CDC37: variants seen among roughly 807,000 people sequenced by gnomAD.
The protein encoded by CDC37 is cell division cycle 37, HSP90 cochaperone.
In CDC37, 9 loss-of-function variants were observed where a neutral mutation model predicts 46.9. The ratio of observed to expected loss-of-function variants is 0.19; its 90% CI spans 0.12 to 0.33. The LOEUF (loss-of-function observed/expected upper bound fraction) is 0.33, where lower values mean the gene tolerates loss of function less well. CDC37 is among the 10% of genes least tolerant of loss of function. The probability of loss-of-function intolerance (pLI) is 1.00; values close to 1 mark genes in which losing one functional copy is unlikely to be tolerated. For synonymous variants in CDC37, 193 were observed against 191.0 expected, an observed-to-expected ratio of 1.01 and a Z score of -0.09; for missense variants, 388 against 514.6, an observed-to-expected ratio of 0.75 and a Z score of 2.38.
chr19:10,402,756 T>A (rs1467289442), intron 1 of CDC37, among the ~76,000 whole-genome samples: 2 of 152,022 alleles, frequency 1.3e-5, no homozygotes, highest in African/African-American at 4.8e-5. Context: ...AGACTAAGGA[T>A]CCTGAAGGGG....
chr19:10,402,870 C>A (rs1486873021), intron 1 of CDC37, among the ~76,000 whole-genome samples: 1 of 151,628 alleles, frequency 6.6e-6, no homozygotes, highest in Non-Finnish European at 1.5e-5. Context: ...GTGGCGACTC[C>A]GGATCTGAAT....
In CDC37 at chr19:10,393,544, T is replaced by C. The variant is rs2042470747; in HGVS notation, c.727-103A>G. On this transcript the variant is annotated intron_variant, in intron 5 of 7. Transcript: ENST00000222005. The surrounding 1 kb of genome is among the most constrained non-coding windows in gnomAD (Gnocchi z 4.9). ...CAGCTCCTCAGAGGCGCCCCACGGT[T>C]CCCCAAGTCTATTCCTGACCTACAT... The C allele has an allele frequency of 8.2e-7, 1 of 1,221,844 alleles. No individual in the cohort carries two copies. The highest frequency in any genetic ancestry group is 1.5e-5 in the African/African-American group (1 of 65,824). The allele number at this position is 1,221,844 out of a possible 1,614,324, so 75.7% of individuals were successfully genotyped here. A position where few individuals can be genotyped will look rare whatever the true frequency, so the allele number is the denominator to read the frequency against.
At chr19:10,397,829 G>A (rs544995328) in intron 1 of CDC37, among the ~76,000 whole-genome samples, 4 of 151,958 alleles carry the variant, frequency 2.6e-5, no homozygotes, top group South Asian at 2.1e-4. Context: ...CCTGCTTCCC[G>A]CTCACCCCAG....
intron 1 of CDC37, among the ~76,000 whole-genome samples, chr19:10,401,102 C>T (rs1273462012): frequency 2.0e-5 from 3 of 152,202 alleles, no homozygotes; most frequent in African/African-American, 7.2e-5. Flanking sequence ...ATCTCTCCTT[C>T]CCCTCCACAA....
At chr19:10,400,369 C>T (rs2042512506) in intron 1 of CDC37, among the ~76,000 whole-genome samples, 1 of 152,182 alleles carries the variant, frequency 6.6e-6, no homozygotes, top group African/African-American at 2.4e-5. Context: ...ATTCATTTGT[C>T]CGCTTCTGGA....
At chr19:10,394,786 C>G (rs965305114) in intron 5 of CDC37, among the ~76,000 whole-genome samples, 2 of 151,744 alleles carry the variant, frequency 1.3e-5, no homozygotes, top group Non-Finnish European at 2.9e-5. Flanking sequence ...CCCACCTCAG[C>G]CTCCCAAAGT....
chr19:10,394,955 T>A (rs2042479157), intron 5 of CDC37, 66 bp downstream of exon 5: 4 of 1,496,268 alleles, frequency 2.7e-6, no homozygotes, highest in Non-Finnish European at 3.6e-6. Flanking sequence ...CGGCCTTACC[T>A]AGAGCATTGT....
intron 2 of CDC37, 175 bp from the exon 3 acceptor site, chr19:10,395,718 G>A: frequency 8.1e-6 from 6 of 743,226 alleles, no homozygotes; most frequent in Non-Finnish European, 1.3e-5. Context: ...TCAGAGGAGG[G>A]GACCGGTGGG....
At position 10,403,503 on chromosome 19, in the gene CDC37, T is replaced by C. The variant is rs751331815; in HGVS notation, c.-24A>G. On this transcript the variant is annotated 5_prime_UTR_variant, in exon 1 of 8. Transcript: ENST00000222005. Reference sequence around the variant, plus strand: ...ATCTTGCCTTGGCGGCCCAGCCCGCTCCGGCTCGGGTGGCGGCGACGGCGG... The same window carrying C: ...ATCTTGCCTTGGCGGCCCAGCCCGCCCCGGCTCGGGTGGCGGCGACGGCGG... 1 of 1,581,990 alleles carries C rather than the reference T, an allele frequency of 6.3e-7. No individual in the cohort carries two copies. The highest frequency in any genetic ancestry group is 1.1e-5 in the South Asian group (1 of 90,220).
In CDC37 at chr19:10,398,484, C is replaced by G. The variant is rs1385806534; in HGVS notation, c.103-2281G>C. Among the ~76,000 whole-genome samples, 1 of 152,240 alleles carries G rather than the reference C, an allele frequency of 6.6e-6. No individual in the cohort carries two copies. The highest frequency in any genetic ancestry group is 2.4e-5 in the African/African-American group (1 of 41,462). ...CCCCTGGGTCCTAGCCCACAGCCAC[C>G]ATGTACCGGCTGGGTATCCCGGGCC... On this transcript the variant is annotated intron_variant, in intron 1 of 7. Transcript: ENST00000222005. The surrounding 1 kb of genome is among the most constrained non-coding windows in gnomAD (Gnocchi z 4.2).
intron 2 of CDC37, 113 bp downstream of exon 2, chr19:10,395,815 C>G: frequency 8.8e-7 from 1 of 1,140,154 alleles, no homozygotes; most frequent in Admixed American, 2.1e-5. Flanking sequence ...CCACCACACT[C>G]TTCAACTACA....
chr19:10,399,478 A>G lies in CDC37; in HGVS notation c.103-3275T>C, dbSNP rs892174582. ...GACCCTGTCTGAAAAAAAAAAAAAA[A>G]AAAAAAAAAAGCTATACCTCATGAG... On this transcript the variant is annotated intron_variant, in intron 1 of 7. Transcript: ENST00000222005. 1.7e-4 allele frequency among the ~76,000 whole-genome samples: 26 copies of G among 150,308 alleles called. 1 individual carries two copies. The highest frequency in any genetic ancestry group is 1.6e-3 in the Admixed American group (24 of 15,058).
rs371418276 is a variant in CDC37, at chr19:10,393,047, C to G, written c.981+39G>C. On this transcript the variant is annotated intron_variant, in intron 7 of 7. Transcript: ENST00000222005. The surrounding 1 kb of genome is among the most constrained non-coding windows in gnomAD (Gnocchi z 4.9). Reference sequence around the variant, plus strand: ...GGGACACAGGGCTGGGGGAGACACACGGCCCGCCGGGAAGGCATGGGGCGC... The same window carrying G: ...GGGACACAGGGCTGGGGGAGACACAGGGCCCGCCGGGAAGGCATGGGGCGC... 1.3e-6 allele frequency: 2 copies of G among 1,579,434 alleles called. No homozygotes were observed. The highest frequency in any genetic ancestry group is 3.3e-5 in the Admixed American group (2 of 59,938).
rs2145419690 is a variant in CDC37 at position 10,398,992 on chromosome 19, T to C, written c.103-2789A>G. Among the ~76,000 whole-genome samples, 1 of 152,296 alleles carries C rather than the reference T, an allele frequency of 6.6e-6. No homozygotes were observed. Among genetic ancestry groups the C allele is most frequent in the South Asian group, 2.1e-4 (1 of 4,832 alleles). On this transcript the variant is annotated intron_variant, in intron 1 of 7. Transcript: ENST00000222005. This position sits in a 1 kb window ranked among gnomAD's most constrained non-coding sequence, Gnocchi z 4.2. ...AGCCCTCAGTAGGTGTGTCCCACTG[T>C]TACCATCTCCGTCCTTGTCACTGCC...
chr19:10,391,783 C>T (rs1003137121), intron 7 of CDC37, 77 bp from the exon 8 acceptor site: 3 of 1,464,754 alleles, frequency 2.0e-6, no homozygotes, highest in Admixed American at 2.0e-5. Context: ...CCTTGCACAT[C>T]CCCAAGCTGG....
chr19:10,399,071 G>C (rs563894349), intron 1 of CDC37, among the ~76,000 whole-genome samples: 1 of 152,144 alleles, frequency 6.6e-6, no homozygotes, highest in African/African-American at 2.4e-5. Flanking sequence ...TGTGTCCCCA[G>C]GTTCTAAGGC....
At position 10,393,168 on chromosome 19, in the gene CDC37, A is replaced by G. The variant is rs111366742; in HGVS notation, c.910-11T>C. On this transcript the variant is annotated splice_polypyrimidine_tract_variant and intron_variant, in intron 6 of 7. Transcript: ENST00000222005. This position sits in a 1 kb window ranked among gnomAD's most constrained non-coding sequence, Gnocchi z 4.9. Reference sequence around the variant, plus strand: ...GCACTTCTGGAGTTCCTGGGGGTACAGAGGGGCTGGGGTCAGGGGCTGGGT... The same window carrying G: ...GCACTTCTGGAGTTCCTGGGGGTACGGAGGGGCTGGGGTCAGGGGCTGGGT... 50 of 1,613,440 alleles carry G rather than the reference A, an allele frequency of 3.1e-5. No individual in the cohort carries two copies. In the African/African-American group the frequency reaches 4.9e-4, roughly 16 times the overall value.
rs146674730 is a variant in CDC37 at position 10,393,101 on chromosome 19, G to C, written c.966C>G (p.Ser322Arg). The change falls in exon 7 of 8, where the codon AGC (serine) becomes AGG (arginine). Residue 322 changes from serine to arginine, a missense_variant. Ser to Arg is a moderately radical substitution (Grantham distance 110). Coordinates refer to ENST00000222005, the MANE Select transcript of CDC37 (RefSeq NM_007065.4). The surrounding 1 kb of genome is among the most constrained non-coding windows in gnomAD (Gnocchi z 4.9). Reference protein sequence around the residue: ...KDVQMLQDAISKMDPTDAKYH... With the variant: ...KDVQMLQDAIRKMDPTDAKYH... The stretch of plus-strand genomic sequence containing the variant: ...GGTTACTCACGGTGGGGTCCATCTT[G>C]CTGATGGCGTCCTGCAGCATCTGCA... 3 of 1,614,022 alleles carry C rather than the reference G, an allele frequency of 1.9e-6. No individual in the cohort carries two copies. Among genetic ancestry groups the C allele is most frequent in the African/African-American group, 1.3e-5 (1 of 75,026 alleles).
Position 10,393,585 on chromosome 19 carries a change from G to GCCATT in CDC37, c.727-145_727-144insAATGG. 2 of 835,454 alleles carry GCCATT rather than the reference G, an allele frequency of 2.4e-6. No homozygotes were observed. Among genetic ancestry groups the GCCATT allele is most frequent in the Middle Eastern group, 3.7e-4 (1 of 2,690 alleles). 51.8% of individuals were successfully genotyped at this position (835,454 alleles called of 1,614,324 possible). A position where few individuals can be genotyped will look rare whatever the true frequency, so the allele number is the denominator to read the frequency against. On this transcript the variant is annotated intron_variant, in intron 5 of 7. Transcript: ENST00000222005. The surrounding 1 kb of genome is among the most constrained non-coding windows in gnomAD (Gnocchi z 4.9). Reference sequence around the variant, plus strand: ...TGACCTACATGAAGGGCTCCCCAAGGCCTGGGCTCCCCCGCCGGGGACCTC... The same window carrying GCCATT: ...TGACCTACATGAAGGGCTCCCCAAGGCCATTCCTGGGCTCCCCCGCCGGGGACCTC...
Sources: gnomAD v4.1 joint callset for allele counts (sites outside exome capture counted in the v4.1 genomes callset) on GRCh38, gnomAD v4.1.1 for gene constraint, Gnocchi (gnomAD v3.1) non-coding constraint, MANE v1.5 for transcripts, NCBI Gene and HGNC (gene_info 2026-07-23, HGNC 2026-07-21) for gene names.